Variants in BRWD1 observed in about 807,000 individuals in gnomAD.
BRWD1 encodes bromodomain and WD repeat-containing protein 1.
A neutral mutation model predicts 251.2 loss-of-function variants in BRWD1; 82 were observed. That is an observed-to-expected ratio of 0.33 (90% CI 0.27 to 0.39). BRWD1 has a LOEUF of 0.39. Among genes scored for constraint, BRWD1 ranks in the 10% least tolerant of loss-of-function variants. The pLI is 1.00. For synonymous variants in BRWD1, 918 were observed against 902.8 expected (o/e 1.02, Z -0.30); for missense variants, 2,233 against 2,711.6 (o/e 0.82, Z 3.92).
At position 39,312,866 on chromosome 21, in the gene BRWD1, T is replaced by A; in HGVS notation, c.173A>T (p.Glu58Val). ...CAACTCCTCGTAGCTCCTGTTGTGC[T>A]CGTTGCCCTCCCAGTCCAATCTCTT... ...LPKRLDWEGN[E>V]HNRSYEELVL... Residue 58 changes from glutamate to valine, a missense_variant, in exon 4 of 41, where the codon GAG (glutamate) becomes GTG (valine). By Grantham distance (121) the Glu-to-Val change is moderately radical (BLOSUM62 -2). Coordinates refer to ENST00000342449, the MANE Select transcript of BRWD1 (RefSeq NM_033656.4). 6.5e-7 allele frequency: 1 copy of A among 1,543,658 alleles called. No homozygotes were observed. Among genetic ancestry groups the A allele is most frequent in the Non-Finnish European group, 8.7e-7 (1 of 1,146,026 alleles).
rs1601211168 is a variant in BRWD1, at chr21:39,188,200, C to T, written c.*8059G>A. Reference sequence around the variant, plus strand: ...CAGAAGTGATATTCCTTTTACGTATCTGAAGTTCACGGGCCCTTGAATTTT... The same window carrying T: ...CAGAAGTGATATTCCTTTTACGTATTTGAAGTTCACGGGCCCTTGAATTTT... On this transcript the variant is annotated 3_prime_UTR_variant, in exon 41 of 41. Transcript: ENST00000342449. The T allele has an allele frequency of 3.0e-6, 3 of 985,390 alleles. No homozygotes were observed. Among genetic ancestry groups the T allele is most frequent in the Non-Finnish European group, 3.6e-6 (3 of 829,902 alleles). 61.0% of individuals were successfully genotyped at this position (985,390 alleles called of 1,614,324 possible).
intron 8 of BRWD1, among the ~76,000 whole-genome samples, chr21:39,281,889 T>G (rs1195316362): frequency 1.9e-5 from 1 of 52,630 alleles, no homozygotes; most frequent in Non-Finnish European, 3.8e-5. Flanking sequence ...AATATATATA[T>G]ATATGTATGT....
chr21:39,255,845 G>T lies in BRWD1; in HGVS notation c.2072-17C>A. Reference sequence around the variant, plus strand: ...TTCTAAAACCTAGGAAAATATGATGGGGAAGTGATTCCAATACACTTTTAA... The same window carrying T: ...TTCTAAAACCTAGGAAAATATGATGTGGAAGTGATTCCAATACACTTTTAA... On this transcript the variant is annotated splice_polypyrimidine_tract_variant and intron_variant, in intron 18 of 40. Transcript: ENST00000342449. The T allele has an allele frequency of 1.2e-6, 2 of 1,608,480 alleles. No individual in the cohort carries two copies. Among genetic ancestry groups the T allele is most frequent in the Non-Finnish European group, 1.7e-6 (2 of 1,175,060 alleles).
At position 39,191,314 on chromosome 21, in the gene BRWD1, A is replaced by G. The variant is rs556841396; in HGVS notation, c.*4945T>C. On this transcript the variant is annotated 3_prime_UTR_variant, in exon 41 of 41. Transcript: ENST00000342449. ...CCCTATATTCTGCCTGCATGAAAAG[A>G]AATTACCAGTGGAAAAGAGGTTGGG... 1 of 985,324 alleles carries G rather than the reference A, an allele frequency of 1.0e-6. No individual in the cohort carries two copies. The highest frequency in any genetic ancestry group is 1.1e-4 in the East Asian group (1 of 8,812). The allele number at this position is 985,324 out of a possible 1,614,324, so 61.0% of individuals were successfully genotyped here.
At chr21:39,281,102 A>G (rs1287422722) in intron 8 of BRWD1, among the ~76,000 whole-genome samples, 2 of 152,226 alleles carry the variant, frequency 1.3e-5, no homozygotes, top group African/African-American at 2.4e-5. Flanking sequence ...ACAAAGATCT[A>G]TATGAACAAA....
intron 18 of BRWD1, among the ~76,000 whole-genome samples, chr21:39,256,547 G>A (rs1450989275): frequency 1.3e-5 from 2 of 152,186 alleles, no homozygotes; most frequent in East Asian, 3.8e-4. Context: ...CTGAGCCTGA[G>A]GGGCTGCTGT....
rs372197342 is a variant in BRWD1, at chr21:39,313,303, C to T, written c.50-4G>A. The T allele has an allele frequency of 1.1e-4, 168 of 1,536,954 alleles. No homozygotes were observed. In the African/African-American group the frequency reaches 2.1e-3, roughly 19 times the overall value. On this transcript the variant is annotated splice_polypyrimidine_tract_variant and splice_region_variant and intron_variant, in intron 1 of 40. Transcript: ENST00000342449. ...CGGGCGATAAGGAAGTACAGCTCTG[C>T]GGGAAGACAAGGAGTCAGGTCAAGC...
rs183614229 is a variant in BRWD1, at chr21:39,266,883, A to T, written c.1531-1864T>A. 4.6e-3 allele frequency among the ~76,000 whole-genome samples: 705 copies of T among 151,734 alleles called. 4 individuals carry two copies. The highest frequency in any genetic ancestry group is 0.016 in the African/African-American group (660 of 41,536). On this transcript the variant is annotated intron_variant, in intron 15 of 40. Coordinates refer to ENST00000342449, the MANE Select transcript of BRWD1 (RefSeq NM_033656.4). ...TGGCTATGCAACTGGAAATAAGATC[A>T]TTGTTGCCCACGTGAAATGTTTTTT...
At chr21:39,228,627 T>C in intron 26 of BRWD1, 45 bp from the exon 27 acceptor site, 1 of 1,116,820 alleles carries the variant, frequency 9.0e-7, no homozygotes. Context: ...ACATAGCAGG[T>C]TATATAGTCT....
At chr21:39,231,013 C>T (rs1052432595) in intron 25 of BRWD1, among the ~76,000 whole-genome samples, 1 of 152,056 alleles carries the variant, frequency 6.6e-6, no homozygotes, top group African/African-American at 2.4e-5. Context: ...TACTTAGGTA[C>T]ACAGTCCTAA....
rs71330353 is a variant in BRWD1 at position 39,203,438 on chromosome 21, C to CTTTTTTTTTTTTTTTTT, written c.4365-910_4365-894dup. Reference sequence around the variant, plus strand: ...TGGGCAACAGAGCAAGACCCTGGTTCTTTTTTTTTTTTTTTTTTTTTTTTG... The same window carrying CTTTTTTTTTTTTTTTTT: ...TGGGCAACAGAGCAAGACCCTGGTTCTTTTTTTTTTTTTTTTTTTTTTTTTTTTTTTTTTTTTTTTTG... On this transcript the variant is annotated intron_variant, in intron 37 of 40. Coordinates refer to ENST00000342449, the MANE Select transcript of BRWD1 (RefSeq NM_033656.4). 3.4e-3 allele frequency among the ~76,000 whole-genome samples: 233 copies of CTTTTTTTTTTTTTTTTT among 67,700 alleles called. 16 individuals are homozygous for CTTTTTTTTTTTTTTTTT. Among genetic ancestry groups the CTTTTTTTTTTTTTTTTT allele is most frequent in the Non-Finnish European group, 5.1e-3 (176 of 34,556 alleles). 44.4% of individuals were successfully genotyped at this position (67,700 alleles called of 152,430 possible).
At chr21:39,232,801 T>C (rs539326648) in intron 23 of BRWD1, among the ~76,000 whole-genome samples, 2 of 152,284 alleles carry the variant, frequency 1.3e-5, no homozygotes, top group Non-Finnish European at 2.9e-5. Context: ...CTTTTACCCA[T>C]AGCCTGTTCT....
intron 4 of BRWD1, among the ~76,000 whole-genome samples, chr21:39,307,977 T>C (rs1177636595): frequency 6.6e-6 from 1 of 152,172 alleles, no homozygotes; most frequent in East Asian, 1.9e-4. Context: ...TCTAGCAATA[T>C]AGCAGTGCAG....
chr21:39,189,339 G>T lies in BRWD1; in HGVS notation c.*6920C>A, dbSNP rs2146435695. 1 of 985,146 alleles carries T rather than the reference G, an allele frequency of 1.0e-6. No individual in the cohort carries two copies. The highest frequency in any genetic ancestry group is 1.7e-5 in the African/African-American group (1 of 57,328). 61.0% of individuals were successfully genotyped at this position (985,146 alleles called of 1,614,324 possible). A position where few individuals can be genotyped will look rare whatever the true frequency, so the allele number is the denominator to read the frequency against. On this transcript the variant is annotated 3_prime_UTR_variant, in exon 41 of 41. Coordinates refer to ENST00000342449, the MANE Select transcript of BRWD1 (RefSeq NM_033656.4). The stretch of plus-strand genomic sequence containing the variant: ...TTTCAACTACAATTTGTAACAAAAT[G>T]CTTTAAGTTGCAGAAATTCCATTTT...
chr21:39,279,659 AAAAAAAAAAG>A (rs2035393132), intron 9 of BRWD1, among the ~76,000 whole-genome samples: 1 of 88,202 alleles, frequency 1.1e-5, no homozygotes, highest in Non-Finnish European at 3.4e-5. Context: ...AAAAAAAAGA[AAAAAAAAAAG>A]AAAACGAAAA....
chr21:39,230,751 A>G (rs2033580614), intron 25 of BRWD1, among the ~76,000 whole-genome samples: 1 of 152,076 alleles, frequency 6.6e-6, no homozygotes, highest in Non-Finnish European at 1.5e-5. Context: ...CAAAAATGGA[A>G]AACATGTGGC....
chr21:39,247,639 G>C, intron 21 of BRWD1, 62 bp downstream of exon 21: 1 of 1,492,294 alleles, frequency 6.7e-7, no homozygotes, highest in Non-Finnish European at 9.0e-7. Context: ...TTCATTCAAA[G>C]TAAAGAATTA....
Position 39,196,795 on chromosome 21 carries a change from C to T in BRWD1, c.6274G>A (p.Gly2092Arg), listed in dbSNP as rs950416005. Residue 2092 changes from glycine to arginine, a missense_variant, in exon 41 of 41, where the codon GGG becomes AGG. Transcript: ENST00000342449. ...ENNFEVELNYGLRRWNGRRLR... is the reference protein window; with the variant it reads ...ENNFEVELNYRLRRWNGRRLR... ...CTTCTGCCATTCCACCTGCGCAGCC[C>T]ATAATTCAGTTCCACTTCAAAATTA... The T allele has an allele frequency of 2.5e-6, 4 of 1,613,262 alleles. No individual in the cohort carries two copies. The highest frequency in any genetic ancestry group is 3.4e-6 in the Non-Finnish European group (4 of 1,179,918).
rs367730916 is a variant in BRWD1, at chr21:39,313,280, G to A, written c.69C>T (p.Ala23=). The A allele has an allele frequency of 1.1e-4, 172 of 1,562,270 alleles. No individual in the cohort carries two copies. Among genetic ancestry groups the A allele is most frequent in the Admixed American group, 1.2e-4 (7 of 56,748 alleles). The change falls in exon 2 of 41, where the codon GCC becomes GCT. Residue 23 remains alanine (A), a synonymous_variant. Coordinates refer to ENST00000342449, the MANE Select transcript of BRWD1 (RefSeq NM_033656.4). ...GACACGGGCCCGCCGATAGGTACCG[G>A]GCGATAAGGAAGTACAGCTCTGCGG... is the stretch of plus-strand genomic sequence containing the variant. ...LIESELYFLI[A]RYLSAGPCRR...
Sources: allele counts gnomAD v4.1 joint callset (sites outside exome capture counted in the v4.1 genomes callset), GRCh38; gene constraint gnomAD v4.1.1; transcripts MANE v1.5; gene names NCBI Gene and HGNC (gene_info 2026-07-23, HGNC 2026-07-21).